The following MEIOC variants were observed in gnomAD, a reference collection of about 807,000 sequenced individuals.
MEIOC encodes the protein meiosis-specific coiled-coil domain-containing protein MEIOC.
MEIOC carries 9 observed loss-of-function variants against 85.3 expected under a neutral mutation model. The observed-to-expected ratio is 0.11, with a 90% CI of 0.06 to 0.18. The LOEUF (loss-of-function observed/expected upper bound fraction) is 0.18. MEIOC is among the 10% of genes least tolerant of loss of function. The probability of loss-of-function intolerance (pLI) is 1.00; values close to 1 mark genes in which losing one functional copy is unlikely to be tolerated. For missense variants in MEIOC, 898 were observed against 1,129.4 expected (o/e 0.80, Z 2.94); for synonymous variants, 365 against 393.7 (o/e 0.93, Z 0.86).
rs533329267 is a variant in MEIOC at position 44,674,597 on chromosome 17, A to G, written c.*401A>G. Reference sequence around the variant, plus strand: ...AATGAATCTAAGTGACTGTAACCCAATTACGGCTACAGCCTAGTAACCAAG... The same window carrying G: ...AATGAATCTAAGTGACTGTAACCCAGTTACGGCTACAGCCTAGTAACCAAG... On this transcript the variant is annotated 3_prime_UTR_variant, in exon 8 of 8. Coordinates refer to ENST00000409122, the MANE Select transcript of MEIOC (RefSeq NM_001145080.3). 2.0e-6 allele frequency: 2 copies of G among 993,540 alleles called. No homozygotes were observed. Among genetic ancestry groups the G allele is most frequent in the South Asian group, 4.5e-5 (1 of 22,040 alleles). 61.5% of individuals were successfully genotyped at this position (993,540 alleles called of 1,614,324 possible).
chr17:44,658,450 C>T (rs529599851), intron 2 of MEIOC, among the ~76,000 whole-genome samples: 5 of 151,808 alleles, frequency 3.3e-5, no homozygotes, highest in African/African-American at 9.6e-5. Context: ...CCACCGCGCC[C>T]GGCTACAATC....
rs1009232743 is a variant in MEIOC at position 44,674,782 on chromosome 17, T to C, written c.*586T>C. 3 of 982,512 alleles carry C rather than the reference T, an allele frequency of 3.1e-6. No individual in the cohort carries two copies. Among genetic ancestry groups the C allele is most frequent in the Non-Finnish European group, 3.6e-6 (3 of 827,328 alleles). The allele number at this position is 982,512 out of a possible 1,614,324, so 60.9% of individuals were successfully genotyped here. A position where few individuals can be genotyped will look rare whatever the true frequency, so the allele number is the denominator to read the frequency against. On this transcript the variant is annotated 3_prime_UTR_variant, in exon 8 of 8. Transcript: ENST00000409122. ...AATTTGGAATCTTAATGCCTAGGTATATGGAGGGAAATGCATCTGATTCTC... is the reference window on the plus strand; with the variant it reads ...AATTTGGAATCTTAATGCCTAGGTACATGGAGGGAAATGCATCTGATTCTC...
chr17:44,666,323 G>C, intron 4 of MEIOC, 53 bp from the exon 5 acceptor site: 1 of 1,420,804 alleles, frequency 7.0e-7, no homozygotes, highest in South Asian at 1.5e-5. Flanking sequence ...TTCCACTGAA[G>C]AAATAAAGTC....
intron 4 of MEIOC, among the ~76,000 whole-genome samples, 186 bp from the exon 5 acceptor site, chr17:44,666,190 C>G (rs1016182968): frequency 1.3e-5 from 2 of 152,110 alleles, no homozygotes; most frequent in Non-Finnish European, 2.9e-5. Flanking sequence ...ATGTAACATA[C>G]AGCACATTTC....
At chr17:44,665,880 A>G (rs986093335) in intron 4 of MEIOC, among the ~76,000 whole-genome samples, 5 of 152,164 alleles carry the variant, frequency 3.3e-5, no homozygotes, top group Non-Finnish European at 5.9e-5. Flanking sequence ...TAATGTTTCA[A>G]TTGTTTTATT....
intron 5 of MEIOC, 75 bp from the exon 6 acceptor site, chr17:44,669,308 C>T: frequency 8.3e-7 from 1 of 1,210,582 alleles, no homozygotes; most frequent in Non-Finnish European, 1.2e-6. Flanking sequence ...ATTTATTAGG[C>T]TTACGAAAAC....
At chr17:44,661,965 A>G (rs1971848948) in intron 2 of MEIOC, among the ~76,000 whole-genome samples, 1 of 152,204 alleles carries the variant, frequency 6.6e-6, no homozygotes, top group Admixed American at 6.5e-5. Context: ...ACCACAGACC[A>G]GCAACAAGGA....
In MEIOC at chr17:44,657,113, C is replaced by G. The variant is rs1375281306; in HGVS notation, c.70-14C>G. ...TGACCACTTTCTGATATTTCCTATT[C>G]CCGTGTGCTGCAGCCCAAAGTCGCG... On this transcript the variant is annotated splice_polypyrimidine_tract_variant and intron_variant, in intron 1 of 7. Coordinates refer to ENST00000409122, the MANE Select transcript of MEIOC (RefSeq NM_001145080.3). The G allele has an allele frequency of 1.0e-5, 16 of 1,546,744 alleles. No homozygotes were observed. Among genetic ancestry groups the G allele is most frequent in the Non-Finnish European group, 1.4e-5 (16 of 1,146,104 alleles).
intron 3 of MEIOC, among the ~76,000 whole-genome samples, chr17:44,663,268 TTGATGATGA>T (rs10638687): frequency 7.4e-4 from 109 of 147,992 alleles, no homozygotes; most frequent in African/African-American, 2.4e-3. Context: ...CTTTATAATC[TTGATGATGA>T]TGATGATGAT....
rs1269803615 is a variant in MEIOC, at chr17:44,656,612, C to T, written c.-2C>T. The T allele has an allele frequency of 7.5e-6, 11 of 1,475,968 alleles. No homozygotes were observed. Among genetic ancestry groups the T allele is most frequent in the Non-Finnish European group, 9.9e-6 (11 of 1,111,514 alleles). The allele number at this position is 1,475,968 out of a possible 1,614,324, so 91.4% of individuals were successfully genotyped here. On this transcript the variant is annotated 5_prime_UTR_variant, in exon 1 of 8. Coordinates refer to ENST00000409122, the MANE Select transcript of MEIOC (RefSeq NM_001145080.3). ...AGTCCAGGAGAGGCTGGGGGGCGCC[C>T]CATGGAGGTGAGACGCGGAGACACC...
intron 2 of MEIOC, among the ~76,000 whole-genome samples, chr17:44,659,756 T>G (rs1295260433): frequency 6.6e-6 from 1 of 152,222 alleles, no homozygotes; most frequent in Non-Finnish European, 1.5e-5. Flanking sequence ...TTATGTCACT[T>G]TGGATACTTC....
rs1972058620 is a variant in MEIOC at position 44,675,136 on chromosome 17, G to A, written c.*940G>A. 1 of 983,964 alleles carries A rather than the reference G, an allele frequency of 1.0e-6. No homozygotes were observed. Among genetic ancestry groups the A allele is most frequent in the Admixed American group, 6.2e-5 (1 of 16,196 alleles). The allele number at this position is 983,964 out of a possible 1,614,324, so 61.0% of individuals were successfully genotyped here. ...TGCAATTGGTTAGTGTATATTTTGT[G>A]TAGTTGTGTTCATTAGTTTGCTTCT... On this transcript the variant is annotated 3_prime_UTR_variant, in exon 8 of 8. Transcript: ENST00000409122.
chr17:44,656,791 G>A, intron 1 of MEIOC, 109 bp downstream of exon 1: 1 of 673,330 alleles, frequency 1.5e-6, no homozygotes. Context: ...GCAGAGGCGG[G>A]TCGTCGGTGG....
chr17:44,656,988 G>C (rs1971767731), intron 1 of MEIOC, 139 bp from the exon 2 acceptor site: 3 of 1,009,286 alleles, frequency 3.0e-6, no homozygotes, highest in African/African-American at 1.6e-5. Flanking sequence ...GGCTGGAAGC[G>C]CGGGCCCCCA....
At chr17:44,661,288 CAAAAAAAA>C (rs1186351387) in intron 2 of MEIOC, among the ~76,000 whole-genome samples, 3 of 54,236 alleles carry the variant, frequency 5.5e-5, no homozygotes, top group South Asian at 2.1e-3. Context: ...ACTCTTGTCT[CAAAAAAAA>C]AAAAAAAAAA....
At chr17:44,669,291 A>AAT in intron 5 of MEIOC, 92 bp from the exon 6 acceptor site, 8 of 977,610 alleles carry the variant, frequency 8.2e-6, no homozygotes, top group Non-Finnish European at 4.5e-6. Flanking sequence ...TAAAGTGGTA[A>AAT]TACTCTATTT....
chr17:44,667,785 A>G lies in MEIOC; in HGVS notation c.1874A>G (p.His625Arg). ...GHYDPEEGPK[H>R]LDGLSQNTYQ... Reference sequence around the variant, plus strand: ...TATGATCCTGAGGAAGGTCCAAAGCATTTAGATGGCTTATCACAAAATACA... The same window carrying G: ...TATGATCCTGAGGAAGGTCCAAAGCGTTTAGATGGCTTATCACAAAATACA... Residue 625 changes from histidine to arginine, a missense_variant, in exon 5 of 8, where the codon CAT becomes CGT. Coordinates refer to ENST00000409122, the MANE Select transcript of MEIOC (RefSeq NM_001145080.3). 1 of 1,613,976 alleles carries G rather than the reference A, an allele frequency of 6.2e-7. No homozygotes were observed. The highest frequency in any genetic ancestry group is 8.5e-7 in the Non-Finnish European group (1 of 1,179,866).
Position 44,659,913 on chromosome 17 carries a change from C to T in MEIOC, c.205-2404C>T, listed in dbSNP as rs1225263189. On this transcript the variant is annotated intron_variant, in intron 2 of 7. Transcript: ENST00000409122. ...GTTTTAGCTCTCAGCAAAATCCCTT[C>T]TGTGTTTCCATTTCCTCAACTTGAG... Among the ~76,000 whole-genome samples, 3 of 152,148 alleles carry T rather than the reference C, an allele frequency of 2.0e-5. No individual in the cohort carries two copies. In the East Asian group the frequency reaches 5.8e-4, roughly 29 times the overall value.
At chr17:44,662,545 C>G in intron 3 of MEIOC, 74 bp downstream of exon 3, 1 of 1,041,330 alleles carries the variant, frequency 9.6e-7, no homozygotes, top group Non-Finnish European at 1.4e-6. Context: ...GTTATTTGCT[C>G]TCTGTTCCCT....
Sources: allele counts gnomAD v4.1 joint callset (sites outside exome capture counted in the v4.1 genomes callset), GRCh38; gene constraint gnomAD v4.1.1; transcripts MANE v1.5; gene names NCBI Gene and HGNC (gene_info 2026-07-23, HGNC 2026-07-21).